The following KXD1 variants were observed in gnomAD, a reference collection of about 807,000 sequenced individuals.
The protein encoded by KXD1 is KxDL motif containing 1, also known as kxDL motif-containing protein 1.
Under a neutral mutation model 12.1 loss-of-function variants are expected in KXD1, and 5 were observed. The ratio of observed to expected loss-of-function variants is 0.41; its 90% confidence interval spans 0.22 to 0.87. KXD1 has a LOEUF of 0.87. KXD1 is among the 40% of genes least tolerant of loss of function. KXD1 has a pLI of 0.31. For synonymous variants in KXD1, 98 were observed against 100.5 expected, an observed-to-expected ratio of 0.98 and a Z score of 0.15; for missense variants, 193 against 244.9, an observed-to-expected ratio of 0.79 and a Z score of 1.41.
chr19:18,568,298 C>A, intron 4 of KXD1, 104 bp from the exon 5 acceptor site: 1 of 780,754 alleles, frequency 1.3e-6, no homozygotes, highest in South Asian at 1.7e-5. Flanking sequence ...CAAGTCATAC[C>A]CCCATGGGGT....
chr19:18,564,922 C>T lies in KXD1; in HGVS notation c.155C>T (p.Ser52Phe), dbSNP rs1168903210. 3 of 1,613,598 alleles carry T rather than the reference C, an allele frequency of 1.9e-6. No individual in the cohort carries two copies. In the African/African-American group the frequency reaches 4.0e-5, roughly 22 times the overall value. The change falls in exon 3 of 5, where the codon TCC (serine) becomes TTC (phenylalanine). Residue 52 changes from serine to phenylalanine, a missense_variant. Ser to Phe is a radical substitution (Grantham distance 155). Transcript: ENST00000222307. ...NEMLLNFNNL[S>F]SARLQQMSER... ...ATGCTGCTCAACTTCAACAACCTGT[C>T]CAGTGCCCGCCTGCAGCAGATGAGC... is the stretch of plus-strand genomic sequence containing the variant.
rs200331878 is a variant in KXD1, at chr19:18,568,621, C to G, written c.521C>G (p.Thr174Arg). ...AGCCAGACAGATGACGAGGAGATGACGGGCGAATAGCCCTGCTGCCCGGTG... is the reference window on the plus strand; with the variant it reads ...AGCCAGACAGATGACGAGGAGATGAGGGGCGAATAGCCCTGCTGCCCGGTG... ...GRSQTDDEEM[T>R]GE Residue 174 changes from threonine (T) to arginine (R), a missense_variant, in exon 5 of 5, where the codon ACG (threonine) becomes AGG (arginine). Thr to Arg is a moderately conservative substitution (Grantham distance 71). Coordinates refer to ENST00000222307, the MANE Select transcript of KXD1 (RefSeq NM_024069.4). The G allele has an allele frequency of 6.2e-7, 1 of 1,609,452 alleles. No homozygotes were observed. The highest frequency in any genetic ancestry group is 1.7e-5 in the Admixed American group (1 of 59,990).
intron 3 of KXD1, 74 bp from the exon 4 acceptor site, chr19:18,567,058 G>T: frequency 7.0e-7 from 1 of 1,428,338 alleles, no homozygotes. Context: ...CTGGCAGCAG[G>T]GGCTTGTGGC....
intron 3 of KXD1, among the ~76,000 whole-genome samples, chr19:18,565,888 GT>G (rs1401725598): frequency 6.6e-6 from 1 of 152,082 alleles, no homozygotes; most frequent in East Asian, 1.9e-4. Context: ...AGATTTCACC[GT>G]GTTGCCCAGG....
intron 1 of KXD1, chr19:18,558,772 TG>T (rs1255758718): frequency 6.6e-6 from 1 of 152,084 alleles, no homozygotes; most frequent in Non-Finnish European, 1.5e-5. Flanking sequence ...ACTGTGTATG[TG>T]GGCCAGACTA....
At chr19:18,567,384 GC>G in intron 4 of KXD1, 1 of 649,408 alleles carries the variant, frequency 1.5e-6, no homozygotes, top group Non-Finnish European at 2.8e-6. Flanking sequence ...GGGAGTCCGT[GC>G]CCCGTGGGGA....
chr19:18,563,288 T>TAGAAAAGG (rs1975019027), intron 2 of KXD1, among the ~76,000 whole-genome samples: 1 of 151,842 alleles, frequency 6.6e-6, no homozygotes, highest in Admixed American at 6.6e-5. Flanking sequence ...TCCTTACCTT[T>TAGAAAAGG]TCTCCCAGAC....
chr19:18,566,258 G>A (rs922898131), intron 3 of KXD1, among the ~76,000 whole-genome samples: 2 of 151,832 alleles, frequency 1.3e-5, no homozygotes, highest in East Asian at 2.0e-4. Context: ...AGACCATCCC[G>A]GCTAACATGG....
At position 18,568,832 on chromosome 19, in the gene KXD1, C is replaced by T. The variant is rs1975389542; in HGVS notation, c.*201C>T. The T allele has an allele frequency of 3.4e-6, 2 of 588,046 alleles. No homozygotes were observed. The highest frequency in any genetic ancestry group is 2.0e-5 in the South Asian group (1 of 49,156). The allele number at this position is 588,046 out of a possible 1,614,324, so 36.4% of individuals were successfully genotyped here. On this transcript the variant is annotated 3_prime_UTR_variant, in exon 5 of 5. Coordinates refer to ENST00000222307, the MANE Select transcript of KXD1 (RefSeq NM_024069.4). ...ATTCTGGCTCCTTCCTTCCTCAGAA[C>T]ATCTCTATTCTGCAAGACCCCTCTG...
At chr19:18,567,406 G>T (rs909284134) in intron 4 of KXD1, 11 of 661,150 alleles carry the variant, frequency 1.7e-5, no homozygotes, top group African/African-American at 8.9e-5. Context: ...GGCCGCACAG[G>T]AGAATGTGGA....
Position 18,568,893 on chromosome 19 carries a change from G to A in KXD1, c.*262G>A, listed in dbSNP as rs977224523. ...GCACGCCCATTCCAGCTGGAGTCGT[G>A]GGGCTGGGCACAGGGGAATTTTTCC... On this transcript the variant is annotated 3_prime_UTR_variant, in exon 5 of 5. Transcript: ENST00000222307. 2.0e-6 allele frequency: 1 copy of A among 504,626 alleles called. No homozygotes were observed. The highest frequency in any genetic ancestry group is 3.6e-6 in the Non-Finnish European group (1 of 280,966). The allele number at this position is 504,626 out of a possible 1,614,324, so 31.3% of individuals were successfully genotyped here.
At chr19:18,567,034 C>T in intron 3 of KXD1, 98 bp from the exon 4 acceptor site, 3 of 1,073,730 alleles carry the variant, frequency 2.8e-6, no homozygotes, top group Non-Finnish European at 4.2e-6. Flanking sequence ...ACTCCCGTCT[C>T]CCCTTGCCCT....
At chr19:18,567,011 T>C (rs553703241) in intron 3 of KXD1, 121 bp from the exon 4 acceptor site, 3 of 796,710 alleles carry the variant, frequency 3.8e-6, no homozygotes, top group African/African-American at 1.7e-5. Context: ...TGATGAACAG[T>C]GTGGGGGTTC....
chr19:18,562,357 T>G (rs1347320356), intron 2 of KXD1, among the ~76,000 whole-genome samples, 200 bp downstream of exon 2: 1 of 152,262 alleles, frequency 6.6e-6, no homozygotes, highest in African/African-American at 2.4e-5. Flanking sequence ...GGGGAGATTT[T>G]GCAGCTGCGG....
rs542881605 is a variant in KXD1 at position 18,568,695 on chromosome 19, C to T, written c.*64C>T. The T allele has an allele frequency of 7.8e-7, 1 of 1,278,948 alleles. No homozygotes were observed. Among genetic ancestry groups the T allele is most frequent in the East Asian group, 2.4e-5 (1 of 42,050 alleles). The allele number at this position is 1,278,948 out of a possible 1,614,324, so 79.2% of individuals were successfully genotyped here. ...AGCATACAAGGTGGCAGCGGGTAAC[C>T]CTGCCTTGTTCTGTCATCCAGGGCT... On this transcript the variant is annotated 3_prime_UTR_variant, in exon 5 of 5. Coordinates refer to ENST00000222307, the MANE Select transcript of KXD1 (RefSeq NM_024069.4).
At chr19:18,559,908 CTCTT>C (rs996828697) in intron 1 of KXD1, 57 of 151,738 alleles carry the variant, frequency 3.8e-4, no homozygotes, top group African/African-American at 1.3e-3. Flanking sequence ...CTGTCTCTCT[CTCTT>C]TCTCTCCTCT....
At position 18,567,115 on chromosome 19, in the gene KXD1, C is replaced by T. The variant is rs202114693; in HGVS notation, c.255-17C>T. Reference sequence around the variant, plus strand: ...TGCTCAGCAGGTTAAGCCCTGTGTGCCTTCTCTCCCCTGCAGGACGCTGAA... The same window carrying T: ...TGCTCAGCAGGTTAAGCCCTGTGTGTCTTCTCTCCCCTGCAGGACGCTGAA... On this transcript the variant is annotated splice_polypyrimidine_tract_variant and intron_variant, in intron 3 of 4. Transcript: ENST00000222307. 2 of 1,613,540 alleles carry T rather than the reference C, an allele frequency of 1.2e-6. No homozygotes were observed. The highest frequency in any genetic ancestry group is 1.7e-6 in the Non-Finnish European group (2 of 1,179,712).
In KXD1 at chr19:18,567,188, A is replaced by G. The variant is rs200280348; in HGVS notation, c.301+10A>G. ...CCAGAGGCCTTCAGCCGTAAGTGTC[A>G]CGCAGGGTTCCTGCTCCCGAGCACG... On this transcript the variant is annotated intron_variant, in intron 4 of 4. Transcript: ENST00000222307. 1 of 1,614,030 alleles carries G rather than the reference A, an allele frequency of 6.2e-7. No individual in the cohort carries two copies. The highest frequency in any genetic ancestry group is 1.7e-5 in the Admixed American group (1 of 60,014).
At chr19:18,562,443 A>T (rs796561735) in intron 2 of KXD1, among the ~76,000 whole-genome samples, 1 of 152,066 alleles carries the variant, frequency 6.6e-6, no homozygotes, top group South Asian at 2.1e-4. Context: ...AGGGGGCCAC[A>T]TGCAGGTTTT....
Sources: allele counts gnomAD v4.1 joint callset (sites outside exome capture counted in the v4.1 genomes callset), GRCh38; gene constraint gnomAD v4.1.1; transcripts MANE v1.5; gene names NCBI Gene and HGNC (gene_info 2026-07-23, HGNC 2026-07-21).